The following USP34 variants were observed in gnomAD, a reference collection of about 807,000 sequenced individuals.
USP34 encodes ubiquitin carboxyl-terminal hydrolase 34.
A neutral mutation model predicts 460.3 loss-of-function variants in USP34; 70 were observed. That is an observed-to-expected ratio of 0.15 (90% CI 0.13 to 0.19). The LOEUF (loss-of-function observed/expected upper bound fraction) is 0.19, where lower values mean the gene tolerates loss of function less well. Among genes scored for constraint, USP34 ranks in the 10% least tolerant of loss-of-function variants. USP34 has a pLI of 1.00. For synonymous variants in USP34, 1,647 were observed against 1,405.3 expected (o/e 1.17, Z -3.85); for missense variants, 3,985 against 4,236.2 (o/e 0.94, Z 1.65).
At chr2:61,326,221 G>A (rs903575666) in intron 20 of USP34, among the ~76,000 whole-genome samples, 1 of 151,956 alleles carries the variant, frequency 6.6e-6, no homozygotes, top group Non-Finnish European at 1.5e-5. Flanking sequence ...TTTGGGGCTG[G>A]AAGGGGGGCA....
intron 1 of USP34, among the ~76,000 whole-genome samples, chr2:61,436,027 CA>C (rs962672410): frequency 2.0e-4 from 31 of 151,618 alleles, no homozygotes; most frequent in African/African-American, 6.8e-4. Context: ...GACACCATCT[CA>C]AAAAATATAT....
chr2:61,235,176 A>G lies in USP34; in HGVS notation c.7032+669T>C, dbSNP rs577913949. Reference sequence around the variant, plus strand: ...GTGGGGTAATCATTTCAAAATGTATACATACATCAAATCATTTTGTATACC... The same window carrying G: ...GTGGGGTAATCATTTCAAAATGTATGCATACATCAAATCATTTTGTATACC... On this transcript the variant is annotated intron_variant, in intron 57 of 79. Coordinates refer to ENST00000398571, the MANE Select transcript of USP34 (RefSeq NM_014709.4). Among the ~76,000 whole-genome samples the G allele has an allele frequency of 2.6e-5, 4 of 152,352 alleles. No homozygotes were observed. The East Asian group carries it at 5.8e-4, about 22-fold the overall frequency.
intron 1 of USP34, among the ~76,000 whole-genome samples, chr2:61,446,065 G>A (rs1009595222): frequency 1.5e-5 from 2 of 134,754 alleles, no homozygotes; most frequent in East Asian, 4.7e-4. Flanking sequence ...AGTGAGCCAG[G>A]ATTGCACCAC....
chr2:61,283,961 A>C (rs1689613303), intron 35 of USP34, among the ~76,000 whole-genome samples: 1 of 152,104 alleles, frequency 6.6e-6, no homozygotes, highest in South Asian at 2.1e-4. Context: ...AGAGGGTATA[A>C]GTCAAAGGGT....
intron 32 of USP34, among the ~76,000 whole-genome samples, chr2:61,294,340 C>T (rs970017217): frequency 7.8e-6 from 1 of 127,766 alleles, no homozygotes; most frequent in African/African-American, 3.4e-5. Flanking sequence ...AGCGAGACTC[C>T]ATTTCAAAAA....
At chr2:61,222,736 A>G (rs371150350) in intron 64 of USP34, 73 bp from the exon 65 acceptor site, 6 of 1,426,830 alleles carry the variant, frequency 4.2e-6, no homozygotes, top group African/African-American at 1.4e-5. Flanking sequence ...TCGCTATGTC[A>G]CCCAGGCTGG....
chr2:61,410,160 TAA>T (rs970364201), intron 2 of USP34, among the ~76,000 whole-genome samples: 2 of 152,168 alleles, frequency 1.3e-5, no homozygotes, highest in African/African-American at 4.8e-5. Flanking sequence ...TATCACACTG[TAA>T]TATATAATGA....
intron 3 of USP34, among the ~76,000 whole-genome samples, chr2:61,401,268 A>T (rs1255516402): frequency 6.6e-6 from 1 of 151,848 alleles, no homozygotes; most frequent in African/African-American, 2.4e-5. Context: ...CTACTTTTTT[A>T]AAGATAGGGT....
At chr2:61,244,786 ATTTC>A (rs1186922054) in intron 51 of USP34, among the ~76,000 whole-genome samples, 3 of 152,084 alleles carry the variant, frequency 2.0e-5, no homozygotes, top group East Asian at 1.9e-4. Flanking sequence ...CATTTTTTTA[ATTTC>A]TTTTTTTCTT....
chr2:61,213,566 G>GCA (rs1187778213), intron 68 of USP34, among the ~76,000 whole-genome samples: 1 of 152,162 alleles, frequency 6.6e-6, no homozygotes, highest in Non-Finnish European at 1.5e-5. Flanking sequence ...AATTTAGACT[G>GCA]CATATATATG....
At chr2:61,340,336 T>C (rs1691553177) in intron 16 of USP34, among the ~76,000 whole-genome samples, 1 of 152,196 alleles carries the variant, frequency 6.6e-6, no homozygotes, top group African/African-American at 2.4e-5. Context: ...TAGTTTCTAG[T>C]TTTACGCTAT....
At chr2:61,387,201 CTG>C (rs1693174060) in intron 5 of USP34, among the ~76,000 whole-genome samples, 1 of 152,098 alleles carries the variant, frequency 6.6e-6, no homozygotes, top group African/African-American at 2.4e-5. Context: ...TGGCTCACCC[CTG>C]TAATCAAAGC....
chr2:61,325,445 A>C lies in USP34; in HGVS notation c.2943T>G (p.Ser981Arg). 2 of 1,545,372 alleles carry C rather than the reference A, an allele frequency of 1.3e-6. No homozygotes were observed. Among genetic ancestry groups the C allele is most frequent in the Non-Finnish European group, 1.7e-6 (2 of 1,155,494 alleles). Residue 981 changes from serine (S) to arginine (R), a missense_variant, in exon 21 of 80, where the codon AGT becomes AGG. Ser to Arg is a moderately radical substitution (Grantham distance 110). This residue lies in a region of USP34 where 1,114 missense variants were observed against 1,122.5 expected (regional missense o/e 0.99). Coordinates refer to ENST00000398571, the MANE Select transcript of USP34 (RefSeq NM_014709.4). ...GRQKHALYSH[S>R]AEVQVRLQFL... ...ATTGAAGACGAACTTGAACTTCAGC[A>C]CTATGGCTGTACCTATAATTTAAAA... is the stretch of plus-strand genomic sequence containing the variant.
chr2:61,445,274 A>G (rs111634538), intron 1 of USP34, among the ~76,000 whole-genome samples: 13,690 of 147,946 alleles, frequency 0.093, 883 homozygotes, highest in Non-Finnish European at 0.14. Flanking sequence ...GGTGGCTCAC[A>G]CCTGTAATCC....
chr2:61,273,363 T>C, intron 41 of USP34, among the ~76,000 whole-genome samples: 1 of 152,142 alleles, frequency 6.6e-6, no homozygotes, highest in East Asian at 1.9e-4. Context: ...GATGAACTGA[T>C]TCTAAAGTTT....
chr2:61,263,427 C>A (rs1291230534), intron 43 of USP34, among the ~76,000 whole-genome samples: 1 of 151,684 alleles, frequency 6.6e-6, no homozygotes, highest in Non-Finnish European at 1.5e-5. Context: ...GTGATCCGCC[C>A]GCCTCGGCCT....
rs117341792 is a variant in USP34 at position 61,443,592 on chromosome 2, T to C, written c.44-22759A>G. ...CAATCTTAACTGGCAACATACTGTA[T>C]GATTTCAACTATGTGATGTAGTAGG... On this transcript the variant is annotated intron_variant, in intron 1 of 79. Coordinates refer to ENST00000398571, the MANE Select transcript of USP34 (RefSeq NM_014709.4). Among the ~76,000 whole-genome samples the C allele has an allele frequency of 4.5e-4, 69 of 152,008 alleles. No individual in the cohort carries two copies. In the East Asian group the frequency reaches 0.013, roughly 28 times the overall value.
intron 30 of USP34, among the ~76,000 whole-genome samples, chr2:61,295,613 T>C (rs1558514922): frequency 6.6e-6 from 1 of 152,236 alleles, no homozygotes; most frequent in Non-Finnish European, 1.5e-5. Context: ...AAGATGGTGA[T>C]GAATTAAATG....
At chr2:61,305,415 T>C (rs1444100869) in intron 27 of USP34, among the ~76,000 whole-genome samples, 1 of 151,974 alleles carries the variant, frequency 6.6e-6, no homozygotes. Flanking sequence ...AAACTTGTGA[T>C]GAACAGCAAG....
Sources: allele counts gnomAD v4.1 joint callset (sites outside exome capture counted in the v4.1 genomes callset), GRCh38; gene constraint gnomAD v4.1.1; regional missense constraint gnomAD v4.1.1; transcripts MANE v1.5; gene names NCBI Gene and HGNC (gene_info 2026-07-23, HGNC 2026-07-21).